The following TNR variants were observed in gnomAD, a reference collection of about 807,000 sequenced individuals.
TNR encodes tenascin-R.
In TNR, 45 loss-of-function variants were observed where a neutral mutation model predicts 150.4. The ratio of observed to expected loss-of-function variants is 0.30; its 90% CI spans 0.24 to 0.38. TNR has a LOEUF of 0.38. TNR is among the 10% of genes least tolerant of loss of function. The pLI, the probability that TNR is intolerant of heterozygous loss-of-function variation, is 1.00. For missense variants in TNR, 1,544 were observed against 1,759.1 expected (o/e 0.88, Z 2.19); for synonymous variants, 687 against 678.4 (o/e 1.01, Z -0.20).
intron 2 of TNR, among the ~76,000 whole-genome samples, chr1:175,492,920 A>G (rs962288583): frequency 5.9e-5 from 9 of 152,136 alleles, no homozygotes; most frequent in Non-Finnish European, 1.0e-4. Flanking sequence ...ATCCTGATAG[A>G]CTTCTTGTTA....
intron 18 of TNR, among the ~76,000 whole-genome samples, chr1:175,337,926 A>G (rs777919999): frequency 2.0e-5 from 3 of 152,196 alleles, no homozygotes; most frequent in African/African-American, 4.8e-5. Context: ...GTCTGTGTTC[A>G]TGGTCTAGCT....
chr1:175,595,044 A>G (rs7538156), intron 1 of TNR, among the ~76,000 whole-genome samples: 26,722 of 149,780 alleles, frequency 0.18, 3,769 homozygotes, highest in African/African-American at 0.39. Context: ...GTGGGCACCT[A>G]TAGTCCCAGC....
intron 1 of TNR, among the ~76,000 whole-genome samples, chr1:175,555,063 G>A (rs1330553919): frequency 1.3e-5 from 2 of 152,130 alleles, no homozygotes; most frequent in Non-Finnish European, 2.9e-5. Context: ...TTTCCAGTAT[G>A]GATTAAGCAT....
intron 2 of TNR, among the ~76,000 whole-genome samples, chr1:175,497,446 GAAC>G (rs1658535315): frequency 6.6e-6 from 1 of 152,332 alleles, no homozygotes; most frequent in African/African-American, 2.4e-5. Flanking sequence ...GTTAGCTGGG[GAAC>G]AACAATTGCT....
intron 2 of TNR, among the ~76,000 whole-genome samples, chr1:175,463,667 T>C (rs887292420): frequency 7.2e-5 from 11 of 152,222 alleles, no homozygotes; most frequent in Non-Finnish European, 1.5e-4. Context: ...CAGCTAATTG[T>C]CCAGAATTGT....
At chr1:175,505,400 G>T (rs1290152632) in intron 2 of TNR, among the ~76,000 whole-genome samples, 10 of 152,230 alleles carry the variant, frequency 6.6e-5, no homozygotes, top group African/African-American at 2.4e-4. Flanking sequence ...GGGAGACCGC[G>T]CGCTAAGCAT....
intron 1 of TNR, among the ~76,000 whole-genome samples, chr1:175,536,848 C>T (rs1660311888): frequency 2.0e-5 from 3 of 152,292 alleles, no homozygotes; most frequent in South Asian, 2.1e-4. Context: ...TCATTGAAGG[C>T]ACCCACTAAC....
At chr1:175,332,957 C>A (rs1264197128) in intron 20 of TNR, among the ~76,000 whole-genome samples, 1 of 152,222 alleles carries the variant, frequency 6.6e-6, no homozygotes, top group African/African-American at 2.4e-5. Flanking sequence ...TAATCTCAGT[C>A]TTTTGTAATA....
intron 1 of TNR, among the ~76,000 whole-genome samples, chr1:175,742,203 C>T (rs1558100918): frequency 6.6e-6 from 1 of 152,154 alleles, no homozygotes; most frequent in Non-Finnish European, 1.5e-5. Flanking sequence ...AGAGTAATAC[C>T]TTGCAAAAAG....
intron 1 of TNR, among the ~76,000 whole-genome samples, chr1:175,639,595 C>A (rs1664591313): frequency 1.3e-5 from 2 of 152,220 alleles, no homozygotes; most frequent in South Asian, 2.1e-4. Context: ...CCTTGCCCGG[C>A]AGCCACTCCT....
intron 1 of TNR, among the ~76,000 whole-genome samples, chr1:175,667,975 C>T (rs993132555): frequency 6.6e-6 from 1 of 152,186 alleles, no homozygotes; most frequent in African/African-American, 2.4e-5. Context: ...GTTAGCATCA[C>T]CCTGGAGCAT....
At chr1:175,650,543 A>C (rs1324138945) in intron 1 of TNR, among the ~76,000 whole-genome samples, 2 of 151,712 alleles carry the variant, frequency 1.3e-5, no homozygotes, top group African/African-American at 2.4e-5. Context: ...CAGGCTAACA[A>C]ACACTAAATA....
rs1261120042 is a variant in TNR at position 175,386,206 on chromosome 1, G to T, written c.1603C>A (p.Leu535Ile). Residue 535 changes from leucine (L) to isoleucine (I), a missense_variant, in exon 8 of 23, where the codon CTT (leucine) becomes ATT (isoleucine). Leu to Ile is a conservative substitution (Grantham distance 5, BLOSUM62 2). Transcript: ENST00000367674. ...CCGCCCACCAGGCCATATTTCAAAA[G>T]AATGAAATCGACTTTGGCTCGAGGG... Reference protein sequence around the residue: ...IPPRAKVDFILLKYGLVGGEG... With the variant: ...IPPRAKVDFIILKYGLVGGEG... 1 of 1,611,992 alleles carries T rather than the reference G, an allele frequency of 6.2e-7. No homozygotes were observed. The highest frequency in any genetic ancestry group is 1.7e-5 in the Admixed American group (1 of 59,892).
chr1:175,345,001 G>A (rs956212648), intron 18 of TNR, among the ~76,000 whole-genome samples: 15 of 151,434 alleles, frequency 9.9e-5, no homozygotes, highest in Admixed American at 3.3e-4. Flanking sequence ...CCAGCTATCC[G>A]GGAGGCTGAG....
At chr1:175,345,117 C>A (rs1157299928) in intron 18 of TNR, among the ~76,000 whole-genome samples, 1 of 151,628 alleles carries the variant, frequency 6.6e-6, no homozygotes, top group African/African-American at 2.4e-5. Flanking sequence ...AAAAAACAAA[C>A]AAAACAAAAC....
intron 2 of TNR, among the ~76,000 whole-genome samples, chr1:175,425,671 T>C (rs1654937028): frequency 6.6e-6 from 1 of 152,144 alleles, no homozygotes; most frequent in African/African-American, 2.4e-5. Context: ...CTGGGAGCAA[T>C]GGGATCTGTT....
At chr1:175,580,511 G>C (rs567032506) in intron 1 of TNR, among the ~76,000 whole-genome samples, 1 of 152,274 alleles carries the variant, frequency 6.6e-6, no homozygotes, top group Non-Finnish European at 1.5e-5. Context: ...TATCTTTAAG[G>C]CTAGTTAACG....
At chr1:175,699,748 A>C (rs1666631962) in intron 1 of TNR, among the ~76,000 whole-genome samples, 1 of 152,054 alleles carries the variant, frequency 6.6e-6, no homozygotes, top group Non-Finnish European at 1.5e-5. Context: ...GGGGCATAGA[A>C]ACTTTAGCAA....
At position 175,396,362 on chromosome 1, in the gene TNR, C is replaced by T. The variant is rs377582086; in HGVS notation, c.1240+182G>A. On this transcript the variant is annotated intron_variant, in intron 5 of 22. Transcript: ENST00000367674. ...GCCTGAATTTGGAAACTCTCTTAAT[C>T]GAAAGTGCCTTTTTAATGATGTACC... Among the ~76,000 whole-genome samples the T allele has an allele frequency of 1.1e-4, 16 of 152,290 alleles. 1 individual carries two copies. The highest frequency in any genetic ancestry group is 2.4e-4 in the African/African-American group (10 of 41,556).
Sources: allele counts gnomAD v4.1 joint callset (sites outside exome capture counted in the v4.1 genomes callset), GRCh38; gene constraint gnomAD v4.1.1; transcripts MANE v1.5; gene names NCBI Gene and HGNC (gene_info 2026-07-23, HGNC 2026-07-21).